Variants in KDM3B observed in about 807,000 individuals in gnomAD.
The protein encoded by KDM3B is lysine demethylase 3B, also known as lysine-specific demethylase 3B.
KDM3B carries 10 observed loss-of-function variants against 170.0 expected under a neutral mutation model. The observed-to-expected ratio is 0.06, with a 90% CI of 0.04 to 0.10. KDM3B has a LOEUF of 0.10. Ranked by LOEUF, KDM3B falls within the 10% of genes least tolerant of loss-of-function variation. The pLI is 1.00. For missense variants in KDM3B, 1,394 were observed against 2,195.2 expected, an observed-to-expected ratio of 0.64 and a Z score of 7.29; for synonymous variants, 831 against 834.8, an observed-to-expected ratio of 1.00 and a Z score of 0.08.
chr5:138,375,270 A>G (rs1162881484), intron 3 of KDM3B, 64 bp downstream of exon 3: 9 of 1,024,908 alleles, frequency 8.8e-6, no homozygotes, highest in Admixed American at 1.8e-5. Context: ...CTTTGTTGAT[A>G]TAAACATAGG....
chr5:138,417,787 T>G (rs1220644066), intron 13 of KDM3B, 177 bp downstream of exon 13: 2 of 589,698 alleles, frequency 3.4e-6, no homozygotes, highest in East Asian at 5.9e-5. Context: ...TAATTACCCC[T>G]GATTGGTACA....
intron 14 of KDM3B, among the ~76,000 whole-genome samples, chr5:138,419,766 C>CACACACACACAT (rs1371751932): frequency 2.3e-5 from 3 of 131,996 alleles, no homozygotes; most frequent in Admixed American, 7.5e-5. Context: ...CACACACACA[C>CACACACACACAT]ATATATATGA....
chr5:138,389,782 C>CTCTCTCTGTGTG (rs1554128165), intron 7 of KDM3B, among the ~76,000 whole-genome samples: 1 of 143,466 alleles, frequency 7.0e-6, no homozygotes, highest in East Asian at 2.1e-4. Flanking sequence ...CTCTCTCTCT[C>CTCTCTCTGTGTG]TGTGTGTGTG....
chr5:138,427,447 T>C, intron 19 of KDM3B, 128 bp downstream of exon 19: 1 of 1,033,038 alleles, frequency 9.7e-7, no homozygotes, highest in Non-Finnish European at 1.4e-6. Flanking sequence ...GTGAATAGTA[T>C]CCAAGGTGGT....
intron 1 of KDM3B, among the ~76,000 whole-genome samples, chr5:138,366,413 C>T (rs1169808442): frequency 6.6e-6 from 1 of 151,930 alleles, no homozygotes; most frequent in African/African-American, 2.4e-5. Flanking sequence ...TCACTGTAGC[C>T]CTGACTTCCT....
At chr5:138,421,083 G>T in intron 15 of KDM3B, 121 bp downstream of exon 15, 2 of 1,175,244 alleles carry the variant, frequency 1.7e-6, no homozygotes, top group Non-Finnish European at 2.4e-6. Context: ...AAGCTGACAA[G>T]GTCTCTCTTT....
Position 138,436,832 on chromosome 5 carries a change from A to G in KDM3B, c.*1132A>G, listed in dbSNP as rs1026582297. ...TGGTGGGATTCATTGGCCCATAGGT[A>G]CATTGGAAAATGTATATCTCTCCAG... is the stretch of plus-strand genomic sequence containing the variant. On this transcript the variant is annotated 3_prime_UTR_variant, in exon 24 of 24. Transcript: ENST00000314358. 3.3e-5 allele frequency: 5 copies of G among 152,162 alleles called. No individual in the cohort carries two copies. Among genetic ancestry groups the G allele is most frequent in the African/African-American group, 1.2e-4 (5 of 41,440 alleles). The allele number at this position is 152,162 out of a possible 1,614,324, so 9.4% of individuals were successfully genotyped here.
At chr5:138,425,165 A>G (rs982543175) in intron 16 of KDM3B, among the ~76,000 whole-genome samples, 1 of 152,222 alleles carries the variant, frequency 6.6e-6, no homozygotes, top group African/African-American at 2.4e-5. Flanking sequence ...CCTTAAAACA[A>G]TGGTAGGTAT....
chr5:138,426,881 GA>G (rs59368427), intron 17 of KDM3B, 93 bp from the exon 18 acceptor site: 5 of 712,542 alleles, frequency 7.0e-6, no homozygotes, highest in African/African-American at 1.9e-5. Context: ...AAAAAAAAAA[GA>G]AAAAAAAGAG....
At chr5:138,399,378 A>C (rs1334404806) in intron 10 of KDM3B, among the ~76,000 whole-genome samples, 1 of 151,626 alleles carries the variant, frequency 6.6e-6, no homozygotes, top group East Asian at 2.0e-4. Flanking sequence ...TCTCTACTAA[A>C]AATACAAAAA....
intron 1 of KDM3B, among the ~76,000 whole-genome samples, chr5:138,354,538 G>C (rs1453826918): frequency 1.3e-5 from 2 of 152,238 alleles, no homozygotes; most frequent in East Asian, 1.9e-4. Flanking sequence ...TGGTCGTCTC[G>C]TTTCCTCCAT....
intron 11 of KDM3B, among the ~76,000 whole-genome samples, chr5:138,408,286 C>A (rs992838386): frequency 2.0e-5 from 3 of 151,930 alleles, no homozygotes; most frequent in African/African-American, 7.3e-5. Flanking sequence ...CTGCCACCAA[C>A]TGGTCTGGGA....
At chr5:138,426,303 G>A (rs984218841) in intron 17 of KDM3B, among the ~76,000 whole-genome samples, 7 of 152,094 alleles carry the variant, frequency 4.6e-5, no homozygotes, top group African/African-American at 7.2e-5. Context: ...GGCCAGGCAC[G>A]GTGGCTCACA....
intron 9 of KDM3B, 109 bp downstream of exon 9, chr5:138,393,481 C>G: frequency 1.1e-6 from 1 of 898,002 alleles, no homozygotes. Flanking sequence ...CTTTGCTTTC[C>G]TCAACTCCTT....
intron 6 of KDM3B, among the ~76,000 whole-genome samples, chr5:138,384,010 A>G (rs533699211): frequency 4.6e-5 from 7 of 151,238 alleles, no homozygotes; most frequent in African/African-American, 1.5e-4. Flanking sequence ...TAATCCCAAC[A>G]CTTTGGGAGG....
rs546329619 is a variant in KDM3B at position 138,433,517 on chromosome 5, C to T, written c.5205+1958C>T. 3.3e-5 allele frequency among the ~76,000 whole-genome samples: 5 copies of T among 151,592 alleles called. No individual in the cohort carries two copies. In the East Asian group the frequency reaches 5.8e-4, roughly 18 times the overall value. The stretch of plus-strand genomic sequence containing the variant: ...TCGTCTCCTGGGTTTAAGTGATTCT[C>T]CTGCCTCAGCCTCCCATGTAGCTGG... On this transcript the variant is annotated intron_variant, in intron 23 of 23. Transcript: ENST00000314358.
chr5:138,374,227 C>T (rs1580888033), intron 2 of KDM3B: 1 of 416,422 alleles, frequency 2.4e-6, no homozygotes, highest in East Asian at 8.7e-5. Context: ...CTCCTAACCT[C>T]AGGTGAGCCA....
At chr5:138,379,790 G>T (rs1580894102) in intron 5 of KDM3B, 82 bp downstream of exon 5, 3 of 1,348,728 alleles carry the variant, frequency 2.2e-6, no homozygotes, top group Non-Finnish European at 3.0e-6. Flanking sequence ...TTCATTATGT[G>T]TAAGATGACT....
intron 23 of KDM3B, among the ~76,000 whole-genome samples, chr5:138,432,440 C>T (rs1385078713): frequency 1.3e-5 from 2 of 152,010 alleles, no homozygotes; most frequent in South Asian, 2.1e-4. Flanking sequence ...GAGGGCTGGG[C>T]GGGTGGATCA....
Sources: gnomAD v4.1 joint callset for allele counts (sites outside exome capture counted in the v4.1 genomes callset) on GRCh38, gnomAD v4.1.1 for gene constraint, MANE v1.5 for transcripts, NCBI Gene and HGNC (gene_info 2026-07-23, HGNC 2026-07-21) for gene names.